Variants in ECPAS observed in about 807,000 individuals in gnomAD.
ECPAS encodes proteasome adapter and scaffold protein ECM29.
In ECPAS, 70 loss-of-function variants were observed where a neutral mutation model predicts 255.1. The ratio of observed to expected loss-of-function variants is 0.27; its 90% CI spans 0.23 to 0.33. The LOEUF is 0.33. ECPAS is among the 10% of genes least tolerant of loss of function. The probability of loss-of-function intolerance (pLI) is 1.00; values close to 1 mark genes in which losing one functional copy is unlikely to be tolerated. For missense variants in ECPAS, 1,817 were observed against 2,206.4 expected (o/e 0.82, Z 3.54); for synonymous variants, 784 against 775.0 (o/e 1.01, Z -0.19).
At position 111,458,331 on chromosome 9, in the gene ECPAS, A is replaced by G. The variant is rs548854372; in HGVS notation, c.23-6776T>C. Among the ~76,000 whole-genome samples the G allele has an allele frequency of 1.6e-3, 249 of 152,346 alleles. 1 individual carries two copies. The highest frequency in any genetic ancestry group is 5.8e-3 in the African/African-American group (242 of 41,588). On this transcript the variant is annotated intron_variant, in intron 2 of 49. Transcript: ENST00000684092. ...TTATATAATGTTATATACGGCTATC[A>G]TATTACAGATGTAGCTTTTATATTC... is the stretch of plus-strand genomic sequence containing the variant.
At chr9:111,388,266 C>T (rs933707858) in intron 31 of ECPAS, among the ~76,000 whole-genome samples, 2 of 150,918 alleles carry the variant, frequency 1.3e-5, no homozygotes, top group African/African-American at 4.9e-5. Flanking sequence ...ACACTTGTGG[C>T]TTAATCCTTT....
At chr9:111,393,902 C>A (rs1458705733) in intron 26 of ECPAS, among the ~76,000 whole-genome samples, 168 bp from the exon 27 acceptor site, 1 of 152,250 alleles carries the variant, frequency 6.6e-6, no homozygotes, top group African/African-American at 2.4e-5. Context: ...AGCTGCACCA[C>A]TTACACGTAG....
At chr9:111,390,970 CCCA>C (rs1355338907) in intron 29 of ECPAS, among the ~76,000 whole-genome samples, 1 of 152,210 alleles carries the variant, frequency 6.6e-6, no homozygotes, top group Non-Finnish European at 1.5e-5. Context: ...TAGTCAGTCT[CCCA>C]CAACTGCCCT....
chr9:111,414,439 T>C lies in ECPAS; in HGVS notation c.1977A>G (p.Ala659=), dbSNP rs2098199894. The change falls in exon 19 of 50, where the codon GCA becomes GCG. Residue 659 remains alanine (A), a synonymous_variant. Transcript: ENST00000684092. ...GTCACATATTCCTACCTCCAACACC[T>C]GCTAACAGCTGCTGAAGCAGGCCAA... ...IYIGLLQQLL[A]GVGGLPVMYC... 6.2e-7 allele frequency: 1 copy of C among 1,613,862 alleles called. No individual in the cohort carries two copies. Among genetic ancestry groups the C allele is most frequent in the Non-Finnish European group, 8.5e-7 (1 of 1,179,718 alleles).
intron 24 of ECPAS, among the ~76,000 whole-genome samples, chr9:111,400,629 T>C (rs1357721255): frequency 6.6e-6 from 1 of 152,126 alleles, no homozygotes; most frequent in Non-Finnish European, 1.5e-5. Flanking sequence ...AAAAATATAA[T>C]GGATGACTGA....
chr9:111,380,606 G>C (rs921456711), intron 35 of ECPAS, among the ~76,000 whole-genome samples: 1 of 152,192 alleles, frequency 6.6e-6, no homozygotes, highest in Admixed American at 6.6e-5. Flanking sequence ...TTGCAGCCGG[G>C]CACTGACTTC....
intron 24 of ECPAS, among the ~76,000 whole-genome samples, chr9:111,398,020 A>C (rs2098170187): frequency 6.6e-6 from 1 of 152,218 alleles, no homozygotes; most frequent in South Asian, 2.1e-4. Context: ...TGCATTTTCC[A>C]CTTTTTACTG....
At position 111,422,294 on chromosome 9, in the gene ECPAS, T is replaced by C. The variant is rs2098215235; in HGVS notation, c.1266-94A>G. ...ACTAAACACAAATTTTCCTGAACTC[T>C]CTGAAGACAATGTCAGCATCATTAC... On this transcript the variant is annotated intron_variant, in intron 13 of 49. Coordinates refer to ENST00000684092, the MANE Select transcript of ECPAS (RefSeq NM_001364929.1). 3 of 1,319,184 alleles carry C rather than the reference T, an allele frequency of 2.3e-6. No individual in the cohort carries two copies. The African/African-American group carries it at 4.4e-5, about 19-fold the overall frequency. 81.7% of individuals were successfully genotyped at this position (1,319,184 alleles called of 1,614,324 possible).
intron 24 of ECPAS, among the ~76,000 whole-genome samples, chr9:111,403,135 T>C (rs952374319): frequency 5.9e-5 from 9 of 151,348 alleles, no homozygotes; most frequent in African/African-American, 2.2e-4. Context: ...GGCAGATCAC[T>C]TGAGGTCAGG....
Position 111,362,106 on chromosome 9 carries a change from G to A in ECPAS, c.5444C>T (p.Thr1815Ile). 1 of 1,610,032 alleles carries A rather than the reference G, an allele frequency of 6.2e-7. No individual in the cohort carries two copies. Among genetic ancestry groups the A allele is most frequent in the Non-Finnish European group, 8.5e-7 (1 of 1,178,756 alleles). ...CRVLLIESLA[T>I]MEPDSRPELQ... ...TTCAGGTCTGCTGTCTGGCTCCATA[G>A]TAGCTAAAGACTCAATTAGGAGCAC... is the stretch of plus-strand genomic sequence containing the variant. The change falls in exon 50 of 50, where the codon ACT (threonine) becomes ATT (isoleucine). Residue 1815 changes from threonine to isoleucine, a missense_variant. Thr to Ile is a moderately conservative substitution (Grantham distance 89). Transcript: ENST00000684092.
chr9:111,470,363 T>C (rs534654829), intron 2 of ECPAS, among the ~76,000 whole-genome samples: 25 of 151,776 alleles, frequency 1.6e-4, no homozygotes, highest in Non-Finnish European at 3.2e-4. Context: ...CAGGCTGCAG[T>C]GCAGTGGCGC....
At chr9:111,415,039 G>C (rs754076722) in intron 18 of ECPAS, among the ~76,000 whole-genome samples, 1 of 152,150 alleles carries the variant, frequency 6.6e-6, no homozygotes, top group East Asian at 1.9e-4. Flanking sequence ...CTTGAGGAGA[G>C]AGGGTGGGAG....
At chr9:111,362,794 T>C (rs567164535) in intron 49 of ECPAS, among the ~76,000 whole-genome samples, 1 of 152,294 alleles carries the variant, frequency 6.6e-6, no homozygotes, top group South Asian at 2.1e-4. Flanking sequence ...TTAGTACATA[T>C]CTGGCAAACT....
Position 111,361,993 on chromosome 9 carries a change from A to G in ECPAS, c.*37T>C, listed in dbSNP as rs1056220581. The G allele has an allele frequency of 5.0e-6, 8 of 1,605,406 alleles. No individual in the cohort carries two copies. The Admixed American group carries it at 1.0e-4, about 20-fold the overall frequency. On this transcript the variant is annotated 3_prime_UTR_variant, in exon 50 of 50. Coordinates refer to ENST00000684092, the MANE Select transcript of ECPAS (RefSeq NM_001364929.1). ...AAGAACACCACCACTTCAACCCCCAATGAACATGGCACTTGTTTGTTTCTT... is the reference window on the plus strand; with the variant it reads ...AAGAACACCACCACTTCAACCCCCAGTGAACATGGCACTTGTTTGTTTCTT...
intron 15 of ECPAS, among the ~76,000 whole-genome samples, chr9:111,421,648 G>T (rs1377344369): frequency 6.6e-6 from 1 of 152,038 alleles, no homozygotes; most frequent in Non-Finnish European, 1.5e-5. Context: ...TCAGCTACCA[G>T]TTACAAAGAC....
At chr9:111,428,603 C>T (rs1255171073) in intron 9 of ECPAS, among the ~76,000 whole-genome samples, 2 of 152,032 alleles carry the variant, frequency 1.3e-5, no homozygotes, top group African/African-American at 2.4e-5. Context: ...AAATAAGTAA[C>T]AAAAACCTCG....
chr9:111,433,591 A>AT (rs771983937), intron 7 of ECPAS, among the ~76,000 whole-genome samples: 1 of 152,114 alleles, frequency 6.6e-6, no homozygotes, highest in African/African-American at 2.4e-5. Flanking sequence ...CATTATACCC[A>AT]TTTTTTAGCT....
intron 25 of ECPAS, 134 bp downstream of exon 25, chr9:111,396,896 T>C: frequency 8.2e-7 from 1 of 1,215,326 alleles, no homozygotes; most frequent in Admixed American, 2.0e-5. Context: ...CTTGACTGAA[T>C]GAAATTGGTA....
chr9:111,402,426 C>G (rs1230951172), intron 24 of ECPAS, among the ~76,000 whole-genome samples: 1 of 152,158 alleles, frequency 6.6e-6, no homozygotes, highest in African/African-American at 2.4e-5. Context: ...TCAAAATACT[C>G]TAATACTTTA....
Sources: gnomAD v4.1 joint callset for allele counts (sites outside exome capture counted in the v4.1 genomes callset) on GRCh38, gnomAD v4.1.1 for gene constraint, MANE v1.5 for transcripts, NCBI Gene and HGNC (gene_info 2026-07-23, HGNC 2026-07-21) for gene names.